The following SPOCK3 variants were observed in gnomAD, a reference collection of about 807,000 sequenced individuals.
The protein encoded by SPOCK3 is testican-3.
A neutral mutation model predicts 56.6 loss-of-function variants in SPOCK3; 30 were observed. The observed-to-expected ratio is 0.53, with a 90% CI of 0.40 to 0.72. The LOEUF (loss-of-function observed/expected upper bound fraction) is 0.72, where lower values mean the gene tolerates loss of function less well. SPOCK3 is among the 30% of genes least tolerant of loss of function. The probability of loss-of-function intolerance (pLI) is 0.00; values close to 1 mark genes in which losing one functional copy is unlikely to be tolerated. For missense variants in SPOCK3, 527 were observed against 530.0 expected (o/e 0.99, Z 0.06); for synonymous variants, 196 against 183.3 (o/e 1.07, Z -0.56).
intron 2 of SPOCK3, among the ~76,000 whole-genome samples, chr4:167,217,058 A>C (rs1735431822): frequency 6.6e-6 from 1 of 152,166 alleles, no homozygotes; most frequent in Non-Finnish European, 1.5e-5. Flanking sequence ...GCTTTGTTAA[A>C]GAACAAAAAA....
rs577933965 is a variant in SPOCK3 at position 166,878,971 on chromosome 4, C to G, written c.589+10159G>C. On this transcript the variant is annotated intron_variant, in intron 6 of 10. Coordinates refer to ENST00000357545, the MANE Select transcript of SPOCK3 (RefSeq NM_001040159.2). Reference sequence around the variant, plus strand: ...CAGCTAAAGGAGTGTCCAGCATATACTAATAAGGGCAAAATGATATTAATC... The same window carrying G: ...CAGCTAAAGGAGTGTCCAGCATATAGTAATAAGGGCAAAATGATATTAATC... Among the ~76,000 whole-genome samples the G allele has an allele frequency of 1.4e-4, 21 of 152,200 alleles. No individual in the cohort carries two copies. The South Asian group carries it at 3.7e-3, about 27-fold the overall frequency.
rs70955700 is a variant in SPOCK3, at chr4:166,868,302, G to GA, written c.589+20827dup. Among the ~76,000 whole-genome samples, 197 of 147,046 alleles carry GA rather than the reference G, an allele frequency of 1.3e-3. 1 individual carries two copies. Among genetic ancestry groups the GA allele is most frequent in the African/African-American group, 3.7e-3 (149 of 39,934 alleles). On this transcript the variant is annotated intron_variant, in intron 6 of 10. Transcript: ENST00000357545. ...CTCTACAAAAAAAAAGAAAAGAAAA[G>GA]AAAAAAAAAAACCTAGGCATGGGGG...
chr4:167,089,485 C>T (rs748100550), intron 2 of SPOCK3, among the ~76,000 whole-genome samples: 7 of 152,072 alleles, frequency 4.6e-5, no homozygotes, highest in Non-Finnish European at 7.4e-5. Flanking sequence ...TGATTGGTTA[C>T]TTTTGAAAAT....
intron 2 of SPOCK3, among the ~76,000 whole-genome samples, chr4:167,081,907 T>C (rs1757739300): frequency 6.6e-6 from 1 of 152,036 alleles, no homozygotes; most frequent in African/African-American, 2.4e-5. Context: ...ATCTCCTGAA[T>C]GGCATTTCAT....
chr4:167,234,442 C>A lies in SPOCK3; in HGVS notation c.-1+8G>T, dbSNP rs1316748148. ...GAGCGGGCACAAAACCGCTTCCTGGCACATCACCTTGTTGTGAGCCAGCAC... is the reference window on the plus strand; with the variant it reads ...GAGCGGGCACAAAACCGCTTCCTGGAACATCACCTTGTTGTGAGCCAGCAC... On this transcript the variant is annotated splice_region_variant and intron_variant, in intron 1 of 10. Transcript: ENST00000357545. 13 of 550,276 alleles carry A rather than the reference C, an allele frequency of 2.4e-5. No homozygotes were observed. The East Asian group carries it at 3.3e-4, about 14-fold the overall frequency. 34.1% of individuals were successfully genotyped at this position (550,276 alleles called of 1,614,324 possible).
chr4:167,166,410 CCT>C (rs1765767158), intron 2 of SPOCK3, among the ~76,000 whole-genome samples: 2 of 152,006 alleles, frequency 1.3e-5, no homozygotes, highest in South Asian at 4.2e-4. Context: ...AGCCTACAAC[CCT>C]CTCTTTTTGT....
At chr4:167,072,732 G>T (rs1756800575) in intron 2 of SPOCK3, among the ~76,000 whole-genome samples, 1 of 151,706 alleles carries the variant, frequency 6.6e-6, no homozygotes, top group South Asian at 2.1e-4. Context: ...ATCTACAGAT[G>T]AATTTATCAT....
chr4:167,107,264 G>T (rs1760245794), intron 2 of SPOCK3, among the ~76,000 whole-genome samples: 1 of 151,802 alleles, frequency 6.6e-6, no homozygotes, highest in Admixed American at 6.6e-5. Context: ...CAAAATATTA[G>T]CAAGCCGAAT....
chr4:167,131,914 A>G (rs1762733492), intron 2 of SPOCK3, among the ~76,000 whole-genome samples: 1 of 151,948 alleles, frequency 6.6e-6, no homozygotes, highest in African/African-American at 2.4e-5. Flanking sequence ...TATTTCTATA[A>G]TATTTTAGGA....
intron 4 of SPOCK3, among the ~76,000 whole-genome samples, chr4:166,961,553 G>GAA (rs375687217): frequency 5.7e-5 from 8 of 141,530 alleles, no homozygotes; most frequent in South Asian, 2.2e-4. Flanking sequence ...AAGAAAAATT[G>GAA]AAAAAAAAAA....
intron 6 of SPOCK3, among the ~76,000 whole-genome samples, chr4:166,835,121 T>C (rs187716388): frequency 2.0e-3 from 304 of 152,208 alleles, no homozygotes; most frequent in Middle Eastern, 7.8e-3. Flanking sequence ...AACGATGTCT[T>C]ACATTTATCT....
chr4:167,099,775 G>A (rs1189891268), intron 2 of SPOCK3, among the ~76,000 whole-genome samples: 1 of 152,058 alleles, frequency 6.6e-6, no homozygotes, highest in African/African-American at 2.4e-5. Flanking sequence ...TTTGAATCAT[G>A]TCTGTCACTG....
At chr4:166,918,300 G>A (rs990071376) in intron 4 of SPOCK3, 2 of 152,034 alleles carry the variant, frequency 1.3e-5, no homozygotes, top group Admixed American at 1.3e-4. Context: ...TTTCTATATT[G>A]TATGTCAGGA....
rs6857286 is a variant in SPOCK3 at position 167,022,034 on chromosome 4, G to T, written c.236-21571C>A. Among the ~76,000 whole-genome samples the T allele has an allele frequency of 2.2e-3, 341 of 152,108 alleles. 5 individuals carry two copies. Among genetic ancestry groups the T allele is most frequent in the African/African-American group, 5.8e-3 (242 of 41,524 alleles). On this transcript the variant is annotated intron_variant, in intron 3 of 10. Transcript: ENST00000357545. ...AAACCCTGCAAAAGTTCTGGGATGT[G>T]TCACGTTGGTAAAGTTTCTAGGAAC...
chr4:166,754,958 A>G (rs1159516520), intron 7 of SPOCK3, among the ~76,000 whole-genome samples: 1 of 151,944 alleles, frequency 6.6e-6, no homozygotes, highest in Non-Finnish European at 1.5e-5. Flanking sequence ...TTTGGTACTA[A>G]TTAGTCATTC....
intron 4 of SPOCK3, among the ~76,000 whole-genome samples, chr4:166,936,746 T>C (rs1352649476): frequency 6.6e-6 from 1 of 152,114 alleles, no homozygotes; most frequent in Non-Finnish European, 1.5e-5. Flanking sequence ...TTTCTACTTT[T>C]AGTTTTAATG....
intron 6 of SPOCK3, among the ~76,000 whole-genome samples, chr4:166,877,378 C>G (rs1325907345): frequency 6.6e-6 from 1 of 152,004 alleles, no homozygotes; most frequent in Non-Finnish European, 1.5e-5. Flanking sequence ...TGAGATATTT[C>G]TTTTATGGTG....
intron 6 of SPOCK3, among the ~76,000 whole-genome samples, chr4:166,795,672 G>A (rs1052844653): frequency 6.0e-5 from 9 of 150,102 alleles, no homozygotes; most frequent in African/African-American, 2.0e-4. Context: ...TAATAAAGTT[G>A]ATATATTTTA....
intron 6 of SPOCK3, among the ~76,000 whole-genome samples, chr4:166,865,044 G>T (rs1731658181): frequency 6.6e-6 from 1 of 152,058 alleles, no homozygotes; most frequent in South Asian, 2.1e-4. Flanking sequence ...ATAAAACACT[G>T]GCAAGCCAAA....
Sources: allele counts gnomAD v4.1 joint callset (sites outside exome capture counted in the v4.1 genomes callset), GRCh38; gene constraint gnomAD v4.1.1; transcripts MANE v1.5; gene names NCBI Gene and HGNC (gene_info 2026-07-23, HGNC 2026-07-21).